The following GNAQ variants were observed in gnomAD, a reference collection of about 807,000 sequenced individuals.
GNAQ encodes the protein G protein subunit alpha q, also known as guanine nucleotide-binding protein G(q) subunit alpha.
In GNAQ, 8 loss-of-function variants were observed where a neutral mutation model predicts 43.9. That is an observed-to-expected ratio of 0.18 (90% CI 0.11 to 0.33). The LOEUF (loss-of-function observed/expected upper bound fraction) is 0.33, where lower values mean the gene tolerates loss of function less well. Ranked by LOEUF, GNAQ falls within the 10% of genes least tolerant of loss-of-function variation. The pLI is 1.00. For synonymous variants in GNAQ, 155 were observed against 170.7 expected (o/e 0.91, Z 0.71); for missense variants, 158 against 450.8 (o/e 0.35, Z 5.88).
chr9:77,992,279 T>C (rs1226569074), intron 1 of GNAQ, among the ~76,000 whole-genome samples: 2 of 152,202 alleles, frequency 1.3e-5, no homozygotes, highest in Non-Finnish European at 2.9e-5. Flanking sequence ...ACATTTAAAA[T>C]TGGCTAGTCA....
intron 2 of GNAQ, among the ~76,000 whole-genome samples, chr9:77,857,339 C>T (rs1827771595): frequency 6.6e-6 from 1 of 152,162 alleles, no homozygotes; most frequent in African/African-American, 2.4e-5. Flanking sequence ...CAGCGGTGTA[C>T]AGCTCCCTGA....
At chr9:78,013,887 T>C (rs1295940602) in intron 1 of GNAQ, among the ~76,000 whole-genome samples, 1 of 152,174 alleles carries the variant, frequency 6.6e-6, no homozygotes, top group Non-Finnish European at 1.5e-5. Flanking sequence ...AGAAGCCATA[T>C]AGCCCAAAAG....
At chr9:77,868,876 A>C (rs1414047932) in intron 2 of GNAQ, among the ~76,000 whole-genome samples, 1 of 152,172 alleles carries the variant, frequency 6.6e-6, no homozygotes, top group Non-Finnish European at 1.5e-5. Flanking sequence ...AATCCCAGCT[A>C]CTTGGGAGGC....
intron 2 of GNAQ, among the ~76,000 whole-genome samples, chr9:77,904,316 G>GTTTTT (rs1564146679): frequency 8.7e-5 from 9 of 103,234 alleles, no homozygotes; most frequent in East Asian, 3.8e-4. Context: ...GTTCACACCG[G>GTTTTT]CTTTTTTTTT....
chr9:77,898,638 T>TGGAC (rs1199119670), intron 2 of GNAQ, among the ~76,000 whole-genome samples: 1 of 151,938 alleles, frequency 6.6e-6, no homozygotes, highest in Non-Finnish European at 1.5e-5. Flanking sequence ...GATGGATGGA[T>TGGAC]GGATGGATGG....
intron 1 of GNAQ, among the ~76,000 whole-genome samples, chr9:77,985,288 G>A (rs1204603980): frequency 6.6e-6 from 1 of 152,106 alleles, no homozygotes; most frequent in African/African-American, 2.4e-5. Context: ...ACTCCAATCT[G>A]GGTGACAGAG....
At chr9:77,897,116 CG>C (rs1340401261) in intron 2 of GNAQ, among the ~76,000 whole-genome samples, 2 of 152,204 alleles carry the variant, frequency 1.3e-5, no homozygotes, top group Admixed American at 1.3e-4. Context: ...CGTGCCAAAC[CG>C]GGGTAATTCT....
intron 5 of GNAQ, among the ~76,000 whole-genome samples, chr9:77,760,526 T>C (rs1381119275): frequency 1.3e-5 from 2 of 152,146 alleles, no homozygotes; most frequent in Non-Finnish European, 2.9e-5. Context: ...GTGCCCAAGA[T>C]GGAGTGCAGT....
intron 1 of GNAQ, among the ~76,000 whole-genome samples, chr9:77,993,473 C>T (rs1823533539): frequency 6.6e-6 from 1 of 151,982 alleles, no homozygotes; most frequent in East Asian, 1.9e-4. Context: ...CTGAGGCGGG[C>T]AGATCACGAG....
chr9:77,763,137 CAAACA>C (rs139637941), intron 5 of GNAQ, among the ~76,000 whole-genome samples: 64,849 of 125,558 alleles, frequency 0.52, 16,551 homozygotes, highest in Middle Eastern at 0.64. Context: ...AACAAACAAA[CAAACA>C]AAAAAAAAAA....
At position 78,012,050 on chromosome 9, in the gene GNAQ, T is replaced by C. The variant is rs116430778; in HGVS notation, c.136+19050A>G. ...TGTTATAGAAACAAATAACCAAATT[T>C]TTAAAAAAGCAAATCACAAAGAAAA... On this transcript the variant is annotated intron_variant, in intron 1 of 6. Coordinates refer to ENST00000286548, the MANE Select transcript of GNAQ (RefSeq NM_002072.5). Among the ~76,000 whole-genome samples, 1,499 of 152,200 alleles carry C rather than the reference T, an allele frequency of 9.8e-3. 27 individuals carry two copies. Among genetic ancestry groups the C allele is most frequent in the African/African-American group, 0.034 (1,417 of 41,534 alleles).
intron 2 of GNAQ, among the ~76,000 whole-genome samples, chr9:77,852,848 C>G (rs892274192): frequency 6.6e-6 from 1 of 152,156 alleles, no homozygotes; most frequent in Non-Finnish European, 1.5e-5. Flanking sequence ...TCCTTCATCC[C>G]TACTTTGATA....
chr9:77,753,789 T>G (rs770714616), intron 5 of GNAQ, among the ~76,000 whole-genome samples: 1 of 152,156 alleles, frequency 6.6e-6, no homozygotes, highest in Non-Finnish European at 1.5e-5. Flanking sequence ...ACAATATGAA[T>G]AACAGAAAAG....
At chr9:78,028,882 G>A (rs888240698) in intron 1 of GNAQ, among the ~76,000 whole-genome samples, 1 of 151,078 alleles carries the variant, frequency 6.6e-6, no homozygotes, top group Non-Finnish European at 1.5e-5. Flanking sequence ...TATTACTACA[G>A]AAATAGTGTA....
intron 1 of GNAQ, among the ~76,000 whole-genome samples, chr9:77,952,078 G>C (rs921888388): frequency 6.6e-5 from 10 of 152,172 alleles, no homozygotes; most frequent in African/African-American, 2.2e-4. Context: ...TCAATTCCCT[G>C]TTCTTAAAAA....
At chr9:78,030,372 TG>T in intron 1 of GNAQ, 1 of 375,050 alleles carries the variant, frequency 2.7e-6, no homozygotes, top group Non-Finnish European at 5.7e-6. Flanking sequence ...CACCATCCAC[TG>T]GCCAACTCTT....
intron 3 of GNAQ, among the ~76,000 whole-genome samples, chr9:77,800,152 G>A (rs1021744608): frequency 1.3e-5 from 2 of 151,930 alleles, no homozygotes; most frequent in African/African-American, 2.4e-5. Flanking sequence ...AACCATTGTG[G>A]AAGTCAGTGT....
At chr9:77,725,110 A>G (rs1825378387) in intron 6 of GNAQ, among the ~76,000 whole-genome samples, 2 of 151,884 alleles carry the variant, frequency 1.3e-5, no homozygotes, top group Admixed American at 6.6e-5. Context: ...TTTACCCTAC[A>G]GAATATAAGA....
At chr9:78,014,530 C>T (rs1205037908) in intron 1 of GNAQ, among the ~76,000 whole-genome samples, 1 of 151,954 alleles carries the variant, frequency 6.6e-6, no homozygotes, top group East Asian at 1.9e-4. Flanking sequence ...TGCTTGAACC[C>T]GGGAAGCAGA....
Sources: allele counts gnomAD v4.1 joint callset (sites outside exome capture counted in the v4.1 genomes callset), GRCh38; gene constraint gnomAD v4.1.1; transcripts MANE v1.5; gene names NCBI Gene and HGNC (gene_info 2026-07-23, HGNC 2026-07-21).